KIAA1549L: variants seen among roughly 807,000 people sequenced by gnomAD.
The protein encoded by KIAA1549L is KIAA1549 like, also known as UPF0606 protein KIAA1549L.
In KIAA1549L, 88 loss-of-function variants were observed where a neutral mutation model predicts 160.7. The observed-to-expected ratio is 0.55, with a 90% CI of 0.46 to 0.65. KIAA1549L has a LOEUF of 0.65. Ranked by LOEUF, KIAA1549L falls within the 30% of genes least tolerant of loss-of-function variation. KIAA1549L has a pLI of 0.00. For missense variants in KIAA1549L, 2,258 were observed against 2,437.5 expected, an observed-to-expected ratio of 0.93 and a Z score of 1.55; for synonymous variants, 950 against 976.7, an observed-to-expected ratio of 0.97 and a Z score of 0.51.
intron 14 of KIAA1549L, 138 bp downstream of exon 14, chr11:33,606,960 G>T (rs920410926): frequency 3.0e-6 from 2 of 657,952 alleles, no homozygotes; most frequent in Non-Finnish European, 5.0e-6. Context: ...CATGTACCAG[G>T]CCTCTGCAGA....
intron 14 of KIAA1549L, 92 bp downstream of exon 14, chr11:33,606,914 T>A: frequency 8.9e-7 from 1 of 1,119,428 alleles, no homozygotes; most frequent in Non-Finnish European, 1.3e-6. Flanking sequence ...TGGGTGCAGA[T>A]TGCACCTAGG....
At chr11:33,427,078 A>G (rs1384431574) in intron 1 of KIAA1549L, among the ~76,000 whole-genome samples, 1 of 152,200 alleles carries the variant, frequency 6.6e-6, no homozygotes, top group Non-Finnish European at 1.5e-5. Context: ...AGAAAACCAC[A>G]CGACCAGGCT....
chr11:33,507,025 TC>T, intron 1 of KIAA1549L, among the ~76,000 whole-genome samples: 1 of 152,234 alleles, frequency 6.6e-6, no homozygotes, highest in East Asian at 1.9e-4. Flanking sequence ...TGTACCAAAC[TC>T]CTGAGCCACT....
intron 1 of KIAA1549L, among the ~76,000 whole-genome samples, chr11:33,417,979 A>G (rs1341759894): frequency 1.3e-5 from 2 of 152,126 alleles, no homozygotes; most frequent in Non-Finnish European, 2.9e-5. Flanking sequence ...GGGTTTTGCC[A>G]TGTTGGCCAG....
At position 33,544,065 on chromosome 11, in the gene KIAA1549L, A is replaced by G; in HGVS notation, c.2502A>G (p.Leu834=). 6.2e-7 allele frequency: 1 copy of G among 1,613,980 alleles called. No individual in the cohort carries two copies. Among genetic ancestry groups the G allele is most frequent in the Non-Finnish European group, 8.5e-7 (1 of 1,179,878 alleles). ...GACATTCCGTGTCTCATCCTCAGCTACAGTTGCCCAACCAGCCAGCACATC... is the reference window on the plus strand; with the variant it reads ...GACATTCCGTGTCTCATCCTCAGCTGCAGTTGCCCAACCAGCCAGCACATC... ...TTRHSVSHPQ[L]QLPNQPAHPL... Residue 834 remains leucine (L), a synonymous_variant, in exon 2 of 21, where the codon CTA becomes CTG. Coordinates refer to ENST00000658780, the MANE Select transcript of KIAA1549L (RefSeq NM_012194.3).
At chr11:33,634,187 C>T (rs1851379197) in intron 16 of KIAA1549L, among the ~76,000 whole-genome samples, 1 of 152,080 alleles carries the variant, frequency 6.6e-6, no homozygotes, top group African/African-American at 2.4e-5. Context: ...GGATTACAAG[C>T]ATGCACCACC....
At chr11:33,435,049 C>A (rs769985181) in intron 1 of KIAA1549L, among the ~76,000 whole-genome samples, 3 of 152,154 alleles carry the variant, frequency 2.0e-5, no homozygotes, top group Non-Finnish European at 4.4e-5. Context: ...GTAGCTTGAT[C>A]ATTTTATTTC....
chr11:33,564,523 A>G (rs987699297), intron 8 of KIAA1549L, among the ~76,000 whole-genome samples: 3 of 152,384 alleles, frequency 2.0e-5, no homozygotes, highest in Admixed American at 2.0e-4. Context: ...CAGAGAACCT[A>G]GAGGCTACCC....
intron 1 of KIAA1549L, among the ~76,000 whole-genome samples, chr11:33,464,646 A>G (rs907898859): frequency 6.6e-6 from 1 of 151,988 alleles, no homozygotes; most frequent in African/African-American, 2.4e-5. Flanking sequence ...TGTCCCTGCC[A>G]TGTCTCCTTA....
chr11:33,428,943 C>T (rs1005049486), intron 1 of KIAA1549L, among the ~76,000 whole-genome samples: 5 of 152,108 alleles, frequency 3.3e-5, no homozygotes, highest in East Asian at 1.9e-4. Flanking sequence ...CCTATTTCTC[C>T]ACCCTAGTGG....
chr11:33,454,975 G>A (rs1358730124), intron 1 of KIAA1549L, among the ~76,000 whole-genome samples: 1 of 152,142 alleles, frequency 6.6e-6, no homozygotes, highest in Admixed American at 6.5e-5. Context: ...TGTAGTCCCA[G>A]CTACTCGGGA....
Position 33,545,189 on chromosome 11 carries a change from C to T in KIAA1549L, c.3196C>T (p.Pro1066Ser), listed in dbSNP as rs752165089. The T allele has an allele frequency of 2.5e-6, 4 of 1,613,912 alleles. No homozygotes were observed. Among genetic ancestry groups the T allele is most frequent in the Admixed American group, 3.3e-5 (2 of 60,008 alleles). Reference sequence around the variant, plus strand: ...CCTGGAGATGCCCAGAGCATCCACGCCACGCCCACTGACAGTCACGGCCGC... The same window carrying T: ...CCTGGAGATGCCCAGAGCATCCACGTCACGCCCACTGACAGTCACGGCCGC... ...TNLEMPRAST[P>S]RPLTVTAALT... The change falls in exon 3 of 21, where the codon CCA becomes TCA. Residue 1066 changes from proline to serine, a missense_variant. This residue lies in a region of KIAA1549L where 1,359 missense variants were observed against 1,546.6 expected (regional missense o/e 0.88). Coordinates refer to ENST00000658780, the MANE Select transcript of KIAA1549L (RefSeq NM_012194.3).
chr11:33,482,190 T>G (rs1381466986), intron 1 of KIAA1549L, among the ~76,000 whole-genome samples: 1 of 152,246 alleles, frequency 6.6e-6, no homozygotes, highest in Non-Finnish European at 1.5e-5. Context: ...TGAGGATTAT[T>G]TTATACCCTC....
intron 1 of KIAA1549L, among the ~76,000 whole-genome samples, chr11:33,441,625 G>A (rs972710584): frequency 1.3e-5 from 2 of 152,176 alleles, no homozygotes; most frequent in Non-Finnish European, 2.9e-5. Context: ...ACTTGTGTGA[G>A]ATGGTATCTC....
chr11:33,571,925 C>A, intron 9 of KIAA1549L, among the ~76,000 whole-genome samples: 1 of 152,168 alleles, frequency 6.6e-6, no homozygotes, highest in Admixed American at 6.5e-5. Context: ...TCTGAAAAGA[C>A]CTGAAGTAAA....
intron 17 of KIAA1549L, among the ~76,000 whole-genome samples, chr11:33,647,658 T>TG (rs1373978006): frequency 6.6e-6 from 1 of 152,188 alleles, no homozygotes; most frequent in Non-Finnish European, 1.5e-5. Context: ...CATGTATAGA[T>TG]GCCAGATTCT....
At position 33,505,179 on chromosome 11, in the gene KIAA1549L, T is replaced by C. The variant is rs111901539; in HGVS notation, c.239-36623T>C. 1.3e-3 allele frequency among the ~76,000 whole-genome samples: 195 copies of C among 152,342 alleles called. 4 individuals carry two copies. Among genetic ancestry groups the C allele is most frequent in the African/African-American group, 4.5e-3 (188 of 41,590 alleles). On this transcript the variant is annotated intron_variant, in intron 1 of 20. Coordinates refer to ENST00000658780, the MANE Select transcript of KIAA1549L (RefSeq NM_012194.3). ...AAGTCAGAGCTGTTTCCTTCTGTCA[T>C]ACATCCTCACATCTCTGTATCCTCC...
intron 14 of KIAA1549L, among the ~76,000 whole-genome samples, chr11:33,607,096 G>A (rs936074104): frequency 2.8e-4 from 42 of 152,080 alleles, no homozygotes; most frequent in Admixed American, 1.8e-3. Context: ...AGCATCAGGC[G>A]TCCTGCTCCC....
chr11:33,467,893 A>G (rs779812050), intron 1 of KIAA1549L, among the ~76,000 whole-genome samples: 1 of 152,232 alleles, frequency 6.6e-6, no homozygotes, highest in Non-Finnish European at 1.5e-5. Context: ...AGAAAGAGAA[A>G]AAGAACACCC....
Sources: allele counts gnomAD v4.1 joint callset (sites outside exome capture counted in the v4.1 genomes callset), GRCh38; gene constraint gnomAD v4.1.1; regional missense constraint gnomAD v4.1.1; transcripts MANE v1.5; gene names NCBI Gene and HGNC (gene_info 2026-07-23, HGNC 2026-07-21).